HLCS: variants seen among roughly 807,000 people sequenced by gnomAD.
HLCS encodes the protein biotin--protein ligase.
HLCS carries 53 observed loss-of-function variants against 75.0 expected under a neutral mutation model. The ratio of observed to expected loss-of-function variants is 0.71; its 90% CI spans 0.57 to 0.89. The LOEUF (loss-of-function observed/expected upper bound fraction) is 0.89, where lower values mean the gene tolerates loss of function less well. HLCS is among the 40% of genes least tolerant of loss of function. The pLI is 0.00. For missense variants in HLCS, 966 were observed against 1,074.0 expected (o/e 0.90, Z 1.41); for synonymous variants, 431 against 428.6 (o/e 1.01, Z -0.07).
chr21:36,947,669 T>C (rs2067468909), intron 2 of HLCS: 2 of 985,278 alleles, frequency 2.0e-6, no homozygotes, highest in Admixed American at 6.1e-5. Flanking sequence ...CTTGACTTGA[T>C]GTTACAATGT....
chr21:36,931,607 A>AG (rs1317734376), intron 4 of HLCS, among the ~76,000 whole-genome samples: 1 of 151,980 alleles, frequency 6.6e-6, no homozygotes, highest in Non-Finnish European at 1.5e-5. Flanking sequence ...AAAATTAGCC[A>AG]GGCGTGGGTG....
chr21:36,950,467 C>CTT (rs200926854), intron 2 of HLCS, among the ~76,000 whole-genome samples: 4 of 145,996 alleles, frequency 2.7e-5, no homozygotes, highest in Non-Finnish European at 6.0e-5. Flanking sequence ...GAGAACCAAT[C>CTT]TTTTTTTTTT....
intron 1 of HLCS, among the ~76,000 whole-genome samples, chr21:36,986,101 T>A (rs1256643867): frequency 6.6e-6 from 1 of 152,178 alleles, no homozygotes; most frequent in Non-Finnish European, 1.5e-5. Context: ...GATTTGGTCA[T>A]AAAGGCTCTG....
At chr21:36,947,738 G>A (rs1281155429) in intron 2 of HLCS, 2 of 985,234 alleles carry the variant, frequency 2.0e-6, no homozygotes, top group Non-Finnish European at 2.4e-6. Flanking sequence ...CCAAGAAGCA[G>A]TCCGGGAGTG....
intron 9 of HLCS, 97 bp downstream of exon 9, chr21:36,759,630 A>C (rs1283018835): frequency 1.3e-5 from 10 of 764,378 alleles, no homozygotes; most frequent in Non-Finnish European, 2.4e-5. Context: ...ACCTCATATG[A>C]TAATCTGCTC....
At chr21:36,871,365 T>G (rs2063763912) in intron 6 of HLCS, among the ~76,000 whole-genome samples, 1 of 152,104 alleles carries the variant, frequency 6.6e-6, no homozygotes, top group Admixed American at 6.6e-5. Context: ...ACTTTTAACT[T>G]TATACTTTTT....
intron 6 of HLCS, among the ~76,000 whole-genome samples, chr21:36,801,050 G>T (rs959736044): frequency 1.4e-4 from 22 of 152,190 alleles, no homozygotes; most frequent in African/African-American, 5.1e-4. Context: ...TTGTATTATG[G>T]ACATTGTTCT....
At chr21:36,767,014 G>T (rs1330268303) in intron 7 of HLCS, among the ~76,000 whole-genome samples, 3 of 152,190 alleles carry the variant, frequency 2.0e-5, no homozygotes, top group African/African-American at 4.8e-5. Flanking sequence ...TGATTTGACA[G>T]AATGCTTTAG....
At chr21:36,980,264 T>C (rs1271566293) in intron 1 of HLCS, 4 of 151,290 alleles carry the variant, frequency 2.6e-5, no homozygotes, top group Non-Finnish European at 5.9e-5. Context: ...TATAAAATGA[T>C]AAAGCCCTAA....
rs550770421 is a variant in HLCS at position 36,906,242 on chromosome 21, A to T, written c.1621-9111T>A. Among the ~76,000 whole-genome samples the T allele has an allele frequency of 2.6e-5, 4 of 152,318 alleles. No individual in the cohort carries two copies. In the South Asian group the frequency reaches 8.3e-4, roughly 32 times the overall value. The stretch of plus-strand genomic sequence containing the variant: ...AAAACACTCCTGAATTAAAAATTAA[A>T]GATGTCTGAGCATCATAACTCATAC... On this transcript the variant is annotated intron_variant, in intron 5 of 10. Coordinates refer to ENST00000674895, the MANE Select transcript of HLCS (RefSeq NM_001352514.2).
At chr21:36,951,266 C>G (rs4816551) in intron 2 of HLCS, among the ~76,000 whole-genome samples, 1 of 151,998 alleles carries the variant, frequency 6.6e-6, no homozygotes, top group Non-Finnish European at 1.5e-5. Context: ...CCTGCTTTCC[C>G]CTCTGGCCTT....
At chr21:36,932,500 T>C (rs1481590033) in intron 4 of HLCS, among the ~76,000 whole-genome samples, 1 of 152,184 alleles carries the variant, frequency 6.6e-6, no homozygotes, top group African/African-American at 2.4e-5. Flanking sequence ...CTTCAGGCTT[T>C]GTTGTCTAGT....
At chr21:36,909,574 A>T (rs530443080) in intron 5 of HLCS, among the ~76,000 whole-genome samples, 69 of 152,294 alleles carry the variant, frequency 4.5e-4, no homozygotes, top group Non-Finnish European at 7.6e-4. Flanking sequence ...TCAGAAACCC[A>T]TGTTATACTG....
chr21:36,917,379 C>T (rs1370609964), intron 5 of HLCS, among the ~76,000 whole-genome samples: 1 of 152,202 alleles, frequency 6.6e-6, no homozygotes, highest in Non-Finnish European at 1.5e-5. Flanking sequence ...AGATTTCCAT[C>T]CTCATGGAGC....
intron 6 of HLCS, among the ~76,000 whole-genome samples, chr21:36,868,925 T>C (rs1476885864): frequency 6.6e-6 from 1 of 152,058 alleles, no homozygotes; most frequent in Non-Finnish European, 1.5e-5. Flanking sequence ...TCAGGTATAG[T>C]ACAACCTCCC....
At chr21:36,962,890 A>AT (rs2146671744) in intron 1 of HLCS, among the ~76,000 whole-genome samples, 1 of 151,320 alleles carries the variant, frequency 6.6e-6, no homozygotes, top group East Asian at 1.9e-4. Context: ...CTGTTCCTTC[A>AT]TTCCCTACAG....
chr21:36,826,161 T>A (rs1422062549), intron 6 of HLCS, among the ~76,000 whole-genome samples: 2 of 152,178 alleles, frequency 1.3e-5, no homozygotes, highest in South Asian at 4.1e-4. Flanking sequence ...TGCACACTCG[T>A]GAAACAGTTC....
At chr21:36,884,306 A>G (rs1459077563) in intron 6 of HLCS, among the ~76,000 whole-genome samples, 2 of 152,210 alleles carry the variant, frequency 1.3e-5, no homozygotes, top group East Asian at 3.8e-4. Flanking sequence ...TGGCATTACC[A>G]TGAGTGGGCA....
intron 6 of HLCS, among the ~76,000 whole-genome samples, chr21:36,890,367 C>T (rs1016471896): frequency 1.3e-5 from 2 of 152,120 alleles, no homozygotes; most frequent in South Asian, 2.1e-4. Context: ...GATGAAATCA[C>T]GTTTTCTAAG....
Sources: allele counts gnomAD v4.1 joint callset (sites outside exome capture counted in the v4.1 genomes callset), GRCh38; gene constraint gnomAD v4.1.1; transcripts MANE v1.5; gene names NCBI Gene and HGNC (gene_info 2026-07-23, HGNC 2026-07-21).